The following CAPN5 variants were observed in gnomAD, a reference collection of about 807,000 sequenced individuals.
CAPN5 encodes calpain-5.
A neutral mutation model predicts 73.0 loss-of-function variants in CAPN5; 54 were observed. The ratio of observed to expected loss-of-function variants is 0.74; its 90% CI spans 0.59 to 0.93. CAPN5 has a LOEUF of 0.93. Among genes scored for constraint, CAPN5 ranks in the 40% least tolerant of loss-of-function variants. The pLI is 0.00. For missense variants in CAPN5, 785 were observed against 882.9 expected (o/e 0.89, Z 1.41); for synonymous variants, 335 against 356.9 (o/e 0.94, Z 0.69).
At chr11:77,088,500 A>G (rs574233183) in intron 2 of CAPN5, among the ~76,000 whole-genome samples, 1 of 152,174 alleles carries the variant, frequency 6.6e-6, no homozygotes, top group South Asian at 2.1e-4. Flanking sequence ...GCGGACTGCC[A>G]TGGAGGAGAA....
chr11:77,090,846 T>A (rs974202462), intron 2 of CAPN5, among the ~76,000 whole-genome samples: 4 of 151,780 alleles, frequency 2.6e-5, no homozygotes, highest in Admixed American at 2.0e-4. Flanking sequence ...GGATGTGGGG[T>A]GTGGTCCAGG....
In CAPN5 at chr11:77,098,323, G is replaced by A. The variant is rs1430875237; in HGVS notation, c.297+4510G>A. ...CCGGACGGGGCAGCTGGCCGGGCGG[G>A]GGGCTGACCCCCCCACCTCCCTCCG... On this transcript the variant is annotated intron_variant, in intron 3 of 12. Coordinates refer to ENST00000648180, the MANE Select transcript of CAPN5 (RefSeq NM_004055.5). Among the ~76,000 whole-genome samples the A allele has an allele frequency of 1.4e-3, 138 of 97,032 alleles. 1 individual carries two copies. Among genetic ancestry groups the A allele is most frequent in the East Asian group, 6.6e-3 (13 of 1,980 alleles). The allele number at this position is 97,032 out of a possible 152,430, so 63.7% of individuals were successfully genotyped here. A position where few individuals can be genotyped will look rare whatever the true frequency, so the allele number is the denominator to read the frequency against.
chr11:77,114,293 G>A lies in CAPN5; in HGVS notation c.558G>A (p.Leu186=). 6.2e-7 allele frequency: 1 copy of A among 1,614,194 alleles called. No individual in the cohort carries two copies. Among genetic ancestry groups the A allele is most frequent in the Non-Finnish European group, 8.5e-7 (1 of 1,180,036 alleles). Residue 186 remains leucine, a synonymous_variant, in exon 5 of 13, where the codon CTG becomes CTA. Coordinates refer to ENST00000648180, the MANE Select transcript of CAPN5 (RefSeq NM_004055.5). ...ALDGGNTADA[L]VDFTGGVSEP... ...ATGGAGGCAACACAGCAGACGCACT[G>A]GTGGACTTCACGGGTGGTGTTTCTG...
At chr11:77,110,173 C>T (rs188636028) in intron 3 of CAPN5, among the ~76,000 whole-genome samples, 2 of 151,910 alleles carry the variant, frequency 1.3e-5, no homozygotes, top group Admixed American at 1.3e-4. Flanking sequence ...CTGCAACCTC[C>T]GCCTCCCAGG....
At chr11:77,087,478 C>T (rs1321564930) in intron 2 of CAPN5, among the ~76,000 whole-genome samples, 2 of 152,166 alleles carry the variant, frequency 1.3e-5, no homozygotes, top group Non-Finnish European at 2.9e-5. Flanking sequence ...ATAGTGGCTG[C>T]TCTGTTCTTA....
chr11:77,119,099 A>G lies in CAPN5; in HGVS notation c.1237A>G (p.Thr413Ala), dbSNP rs1555042267. The change falls in exon 9 of 13, where the codon ACG becomes GCG. Residue 413 changes from threonine to alanine, a missense_variant. By Grantham distance (58) the Thr-to-Ala change is moderately conservative. Transcript: ENST00000648180. Reference sequence around the variant, plus strand: ...CATCCAGCAGCGGCCAAAGCGGTCTACGCGCCGGGAGGGCAAGGGTGAGAA... The same window carrying G: ...CATCCAGCAGCGGCCAAAGCGGTCTGCGCGCCGGGAGGGCAAGGGTGAGAA... ...ICIQQRPKRS[T>A]RREGKGENLA... The G allele has an allele frequency of 3.7e-6, 6 of 1,614,054 alleles. No individual in the cohort carries two copies. The South Asian group carries it at 6.6e-5, about 18-fold the overall frequency.
chr11:77,094,642 G>A (rs557322606), intron 3 of CAPN5, among the ~76,000 whole-genome samples: 73 of 152,320 alleles, frequency 4.8e-4, no homozygotes, highest in Non-Finnish European at 8.8e-4. Flanking sequence ...GGGCTGAGGA[G>A]CACTGGACAT....
At chr11:77,099,188 C>T (rs1950253636) in intron 3 of CAPN5, among the ~76,000 whole-genome samples, 1 of 71,912 alleles carries the variant, frequency 1.4e-5, no homozygotes, top group African/African-American at 6.7e-5. Context: ...TGGGAAGAGG[C>T]GCTCCTCACT....
At position 77,123,832 on chromosome 11, in the gene CAPN5, G is replaced by A. The variant is rs781990034; in HGVS notation, c.1885G>A (p.Val629Met). ...CAGCAACCTGCCAGGCACTGTGGCCGTGCACATTCTCAGCAGCACCTCCCT... is the reference window on the plus strand; with the variant it reads ...CAGCAACCTGCCAGGCACTGTGGCCATGCACATTCTCAGCAGCACCTCCCT... ...QPSNLPGTVA[V>M]HILSSTSLMA... The change falls in exon 13 of 13, where the codon GTG becomes ATG. Residue 629 changes from valine (V) to methionine (M), a missense_variant. Physicochemically the swap from Val to Met is conservative, Grantham distance 21 (BLOSUM62 1). Transcript: ENST00000648180. The A allele has an allele frequency of 2.4e-5, 38 of 1,613,616 alleles. No homozygotes were observed. Among genetic ancestry groups the A allele is most frequent in the African/African-American group, 9.3e-5 (7 of 74,892 alleles).
At chr11:77,085,108 C>G in intron 2 of CAPN5, 57 bp downstream of exon 2, 3 of 1,503,796 alleles carry the variant, frequency 2.0e-6, no homozygotes, top group Non-Finnish European at 9.2e-7. Flanking sequence ...ACCCACAAGG[C>G]TGGGCCTGCA....
intron 1 of CAPN5, among the ~76,000 whole-genome samples, chr11:77,076,375 A>G (rs1949968738): frequency 6.6e-6 from 1 of 152,232 alleles, no homozygotes; most frequent in Admixed American, 6.5e-5. Context: ...TACTTCTAGC[A>G]ATCTTCAAGA....
At chr11:77,080,276 C>A (rs1950015000) in intron 1 of CAPN5, among the ~76,000 whole-genome samples, 1 of 152,220 alleles carries the variant, frequency 6.6e-6, no homozygotes, top group South Asian at 2.1e-4. Context: ...CCAGCTTGTT[C>A]TCTTCAAATG....
intron 3 of CAPN5, among the ~76,000 whole-genome samples, chr11:77,107,055 C>T (rs1331751819): frequency 6.6e-6 from 1 of 152,220 alleles, no homozygotes; most frequent in Non-Finnish European, 1.5e-5. Context: ...ATGAACAGGA[C>T]CTGCCGTGGC....
At chr11:77,120,347 C>G (rs1358656191) in intron 9 of CAPN5, 1 of 168,718 alleles carries the variant, frequency 5.9e-6, no homozygotes, top group Non-Finnish European at 1.3e-5. Context: ...TGCGCCCAGC[C>G]TCCTTTAATA....
Position 77,112,929 on chromosome 11 carries a change from C to T in CAPN5, c.506+132C>T, listed in dbSNP as rs1290493188. ...GGGGCTGGTGCAGGCACGCAGCAGG[C>T]TCAACCGCCAGGCCTGAGGGCATAG... is the stretch of plus-strand genomic sequence containing the variant. On this transcript the variant is annotated intron_variant, in intron 4 of 12. Coordinates refer to ENST00000648180, the MANE Select transcript of CAPN5 (RefSeq NM_004055.5). The T allele has an allele frequency of 2.1e-5, 18 of 843,762 alleles. No individual in the cohort carries two copies. The Admixed American group carries it at 3.0e-4, about 14-fold the overall frequency. The allele number at this position is 843,762 out of a possible 1,614,324, so 52.3% of individuals were successfully genotyped here.
At chr11:77,095,306 G>C (rs1950196066) in intron 3 of CAPN5, among the ~76,000 whole-genome samples, 1 of 152,136 alleles carries the variant, frequency 6.6e-6, no homozygotes, top group African/African-American at 2.4e-5. Context: ...TCTGAGCTCA[G>C]AACAAGGTCC....
intron 1 of CAPN5, among the ~76,000 whole-genome samples, chr11:77,080,735 C>T (rs772799354): frequency 4.6e-5 from 7 of 152,240 alleles, no homozygotes; most frequent in Non-Finnish European, 8.8e-5. Flanking sequence ...GGCCTAGGAA[C>T]AGATGCCACT....
At chr11:77,110,178 C>A (rs1950397619) in intron 3 of CAPN5, among the ~76,000 whole-genome samples, 1 of 151,648 alleles carries the variant, frequency 6.6e-6, no homozygotes, top group Non-Finnish European at 1.5e-5. Context: ...ACCTCCGCCT[C>A]CCAGGTTCAA....
intron 3 of CAPN5, among the ~76,000 whole-genome samples, chr11:77,109,647 G>A (rs148181875): frequency 3.3e-5 from 5 of 152,128 alleles, no homozygotes; most frequent in Admixed American, 1.3e-4. Context: ...GTGTGCGAGC[G>A]CATCTATTTA....
Sources: allele counts gnomAD v4.1 joint callset (sites outside exome capture counted in the v4.1 genomes callset), GRCh38; gene constraint gnomAD v4.1.1; transcripts MANE v1.5; gene names NCBI Gene and HGNC (gene_info 2026-07-23, HGNC 2026-07-21).